The following RBFOX1 variants were observed in gnomAD, a reference collection of about 807,000 sequenced individuals.
RBFOX1 encodes the protein RNA binding protein fox-1 homolog 1.
Under a neutral mutation model 57.7 loss-of-function variants are expected in RBFOX1, and 8 were observed. The observed-to-expected ratio is 0.14, with a 90% CI of 0.08 to 0.25. RBFOX1 has a LOEUF of 0.25. Ranked by LOEUF, RBFOX1 falls within the 10% of genes least tolerant of loss-of-function variation. The pLI, the probability that RBFOX1 is intolerant of heterozygous loss-of-function variation, is 1.00. For missense variants in RBFOX1, 611 were observed against 548.5 expected (o/e 1.11, Z -1.14); for synonymous variants, 326 against 222.4 (o/e 1.47, Z -4.15).
intron 14 of RBFOX1, among the ~76,000 whole-genome samples, chr16:7,687,919 A>C (rs1003224346): frequency 9.9e-5 from 15 of 152,006 alleles, no homozygotes; most frequent in Non-Finnish European, 2.1e-4. Context: ...TTTTTCAGGC[A>C]TATCTGTACA....
intron 1 of RBFOX1, among the ~76,000 whole-genome samples, chr16:6,078,410 A>ATT (rs376432472): frequency 6.9e-6 from 1 of 144,032 alleles, no homozygotes. Flanking sequence ...TTTTTGGGGG[A>ATT]TTTTTTTTTT....
chr16:6,784,968 A>T (rs1433108272), intron 3 of RBFOX1, among the ~76,000 whole-genome samples: 1 of 152,016 alleles, frequency 6.6e-6, no homozygotes, highest in Admixed American at 6.6e-5. Context: ...CATATAGGGG[A>T]TCTTTCTTCC....
At chr16:6,982,545 G>C (rs1333273468) in intron 3 of RBFOX1, among the ~76,000 whole-genome samples, 1 of 152,158 alleles carries the variant, frequency 6.6e-6, no homozygotes, top group Non-Finnish European at 1.5e-5. Flanking sequence ...TCATCCTTTT[G>C]ATGGAATCTC....
At chr16:5,700,616 G>C (rs931255339) in intron 3 of RBFOX1, among the ~76,000 whole-genome samples, 1 of 152,166 alleles carries the variant, frequency 6.6e-6, no homozygotes. Flanking sequence ...GAGAAACAAT[G>C]TGTTTTCAAC....
At chr16:6,138,000 T>C (rs2096681089) in intron 1 of RBFOX1, among the ~76,000 whole-genome samples, 1 of 152,192 alleles carries the variant, frequency 6.6e-6, no homozygotes, top group Admixed American at 6.5e-5. Flanking sequence ...TCCATCACAA[T>C]CCAACTTATC....
Position 7,603,983 on chromosome 16 carries a change from C to T in RBFOX1, c.623-3302C>T, listed in dbSNP as rs147645715. ...GGGCATTTCTGCTGTTGAACTTGTC[C>T]AGGCAGAGATAGGAATGCCTTGGTC... On this transcript the variant is annotated intron_variant, in intron 9 of 15. Coordinates refer to ENST00000550418, the MANE Select transcript of RBFOX1 (RefSeq NM_018723.4). Among the ~76,000 whole-genome samples, 757 of 152,076 alleles carry T rather than the reference C, an allele frequency of 5.0e-3. 5 individuals carry two copies. Among genetic ancestry groups the T allele is most frequent in the African/African-American group, 0.017 (723 of 41,466 alleles).
chr16:6,803,116 C>T (rs186071208), intron 3 of RBFOX1, among the ~76,000 whole-genome samples: 1 of 151,940 alleles, frequency 6.6e-6, no homozygotes, highest in South Asian at 2.1e-4. Flanking sequence ...CTCAAAACCT[C>T]TGAGCTAGAC....
At chr16:7,305,862 G>A (rs573500879) in intron 4 of RBFOX1, among the ~76,000 whole-genome samples, 1 of 152,178 alleles carries the variant, frequency 6.6e-6, no homozygotes, top group Non-Finnish European at 1.5e-5. Flanking sequence ...TTTCCCAAGA[G>A]AGTATTGATA....
At chr16:6,412,662 C>T (rs892713281) in intron 2 of RBFOX1, among the ~76,000 whole-genome samples, 4 of 152,178 alleles carry the variant, frequency 2.6e-5, no homozygotes, top group Admixed American at 1.3e-4. Context: ...TGATGTGCTC[C>T]ATTTTATTTC....
intron 3 of RBFOX1, among the ~76,000 whole-genome samples, chr16:6,748,421 A>C (rs1603511424): frequency 6.6e-6 from 1 of 152,116 alleles, no homozygotes; most frequent in Non-Finnish European, 1.5e-5. Flanking sequence ...AACACTTTGG[A>C]AGGCCGAGGC....
At chr16:7,323,324 T>G (rs2096569863) in intron 4 of RBFOX1, among the ~76,000 whole-genome samples, 1 of 152,130 alleles carries the variant, frequency 6.6e-6, no homozygotes, top group South Asian at 2.1e-4. Context: ...TTCAGGAGTC[T>G]GAGGCAGGAG....
At chr16:5,293,867 A>C (rs1404866419) in intron 1 of RBFOX1, among the ~76,000 whole-genome samples, 1 of 152,136 alleles carries the variant, frequency 6.6e-6, no homozygotes, top group East Asian at 1.9e-4. Flanking sequence ...TAACATTGTG[A>C]ATGTATTTAA....
At chr16:7,353,494 CA>C (rs2097163277) in intron 4 of RBFOX1, among the ~76,000 whole-genome samples, 2 of 152,096 alleles carry the variant, frequency 1.3e-5, no homozygotes. Flanking sequence ...TATGTGTACA[CA>C]AAAACGTGTG....
At chr16:5,531,800 G>T (rs1597420049) in intron 2 of RBFOX1, among the ~76,000 whole-genome samples, 1 of 118,548 alleles carries the variant, frequency 8.4e-6, no homozygotes, top group East Asian at 2.8e-4. Flanking sequence ...ATGTCAAGAG[G>T]TCTTTTTTTT....
intron 4 of RBFOX1, among the ~76,000 whole-genome samples, chr16:5,917,742 T>A (rs577445423): frequency 6.6e-6 from 1 of 152,342 alleles, no homozygotes; most frequent in South Asian, 2.1e-4. Context: ...CACCACGTGA[T>A]CCCTCAAATG....
chr16:6,042,543 A>G (rs2095449073), intron 1 of RBFOX1, among the ~76,000 whole-genome samples: 1 of 152,168 alleles, frequency 6.6e-6, no homozygotes, highest in Non-Finnish European at 1.5e-5. Context: ...ACAGATATTT[A>G]CAGGTTTTTG....
intron 4 of RBFOX1, among the ~76,000 whole-genome samples, chr16:5,954,800 T>G (rs1297197641): frequency 6.6e-6 from 1 of 152,070 alleles, no homozygotes; most frequent in Admixed American, 6.6e-5. Context: ...TCCTGCAGCC[T>G]CTTTACCTCT....
rs192419984 is a variant in RBFOX1 at position 6,973,865 on chromosome 16, C to T, written c.-15-78192C>T. Among the ~76,000 whole-genome samples, 21 of 152,126 alleles carry T rather than the reference C, an allele frequency of 1.4e-4. No homozygotes were observed. In the East Asian group the frequency reaches 3.7e-3, roughly 27 times the overall value. On this transcript the variant is annotated intron_variant, in intron 3 of 15. Coordinates refer to ENST00000550418, the MANE Select transcript of RBFOX1 (RefSeq NM_018723.4). ...ACGTGTGCCATGGTGGTTTACTGTG[C>T]CTGTCAAGCTGTCATCAACGTATTA...
intron 11 of RBFOX1, among the ~76,000 whole-genome samples, chr16:7,638,272 T>C (rs2062107843): frequency 6.6e-6 from 1 of 152,170 alleles, no homozygotes; most frequent in South Asian, 2.1e-4. Flanking sequence ...GAAGGAACTA[T>C]AGGACAGGTA....
Sources: gnomAD v4.1 joint callset for allele counts (sites outside exome capture counted in the v4.1 genomes callset) on GRCh38, gnomAD v4.1.1 for gene constraint, MANE v1.5 for transcripts, NCBI Gene and HGNC (gene_info 2026-07-23, HGNC 2026-07-21) for gene names.